The following PGAP2 variants were observed in gnomAD, a reference collection of about 807,000 sequenced individuals.
PGAP2 encodes the protein acyltransferase PGAP2.
Under a neutral mutation model 33.2 loss-of-function variants are expected in PGAP2, and 21 were observed. The ratio of observed to expected loss-of-function variants is 0.63; its 90% CI spans 0.45 to 0.91. The LOEUF is 0.91. Among genes scored for constraint, PGAP2 ranks in the 40% least tolerant of loss-of-function variants. The pLI, the probability that PGAP2 is intolerant of heterozygous loss-of-function variation, is 0.00. For missense variants in PGAP2, 345 were observed against 424.0 expected, an observed-to-expected ratio of 0.81 and a Z score of 1.64; for synonymous variants, 161 against 172.9, an observed-to-expected ratio of 0.93 and a Z score of 0.54.
intron 3 of PGAP2, among the ~76,000 whole-genome samples, chr11:3,818,643 G>A (rs995090812): frequency 1.3e-5 from 2 of 152,196 alleles, no homozygotes; most frequent in African/African-American, 4.8e-5. Flanking sequence ...CAGAAACCTG[G>A]ATGGACTTCT....
At chr11:3,806,440 C>T (rs187614360), upstream of PGAP2, among the ~76,000 whole-genome samples, 4,169 of 152,218 alleles carry the variant, frequency 0.027, 194 homozygotes, top group African/African-American at 0.094. Context: ...GAGTGCGCAC[C>T]TTCTCCAGAC....
chr11:3,817,693 G>A lies in PGAP2; in HGVS notation c.348+158G>A, dbSNP rs1222273833. ...AAGTCAGAGTCAGAGATAATTCATG[G>A]GGGGAGACTCAGAGAGAATAGAATC... On this transcript the variant is annotated intron_variant, in intron 3 of 6. Transcript: ENST00000278243. 4 of 710,102 alleles carry A rather than the reference G, an allele frequency of 5.6e-6. No individual in the cohort carries two copies. The Admixed American group carries it at 6.0e-5, about 11-fold the overall frequency. The allele number at this position is 710,102 out of a possible 1,614,324, so 44.0% of individuals were successfully genotyped here. A position where few individuals can be genotyped will look rare whatever the true frequency, so the allele number is the denominator to read the frequency against.
chr11:3,803,464 G>A (rs897997685), intron 1 of PGAP2, among the ~76,000 whole-genome samples: 1 of 151,346 alleles, frequency 6.6e-6, no homozygotes, highest in African/African-American at 2.4e-5. Flanking sequence ...GTCTCACTCT[G>A]TCACCCAGGC....
Position 3,825,735 on chromosome 11 carries a change from C to G in PGAP2, c.*277C>G, listed in dbSNP as rs545406627. 3.7e-5 allele frequency: 10 copies of G among 272,320 alleles called. No individual in the cohort carries two copies. Among genetic ancestry groups the G allele is most frequent in the Non-Finnish European group, 6.2e-5 (9 of 144,564 alleles). The allele number at this position is 272,320 out of a possible 1,614,324, so 16.9% of individuals were successfully genotyped here. A position where few individuals can be genotyped will look rare whatever the true frequency, so the allele number is the denominator to read the frequency against. On this transcript the variant is annotated 3_prime_UTR_variant, in exon 7 of 7. Transcript: ENST00000278243. ...CACCATTTGGTGCTAAAAAAAAAAACGTCCTGAGGTTCATGACCACCATCC... is the reference window on the plus strand; with the variant it reads ...CACCATTTGGTGCTAAAAAAAAAAAGGTCCTGAGGTTCATGACCACCATCC...
At chr11:3,803,932 A>G (rs2083901670), upstream of PGAP2, among the ~76,000 whole-genome samples, 1 of 151,928 alleles carries the variant, frequency 6.6e-6, no homozygotes, top group African/African-American at 2.4e-5. Flanking sequence ...CTGGGACTTC[A>G]GGCGCGTGCC....
Position 3,798,248 on chromosome 11 carries a change from G to A in PGAP2, c.139+266G>A, listed in dbSNP as rs1474476016. On this transcript the variant is annotated intron_variant, in intron 1 of 6. Coordinates refer to the PGAP2 transcript ENST00000300730. ...TAGGAGCATTAGAGATGCCCTAAGG[G>A]ACTGGCCCACCAAAGGGCCTGGTAC... The A allele has an allele frequency of 3.7e-6, 3 of 812,784 alleles. No homozygotes were observed. In the South Asian group the frequency reaches 7.5e-5, roughly 20 times the overall value. The allele number at this position is 812,784 out of a possible 1,614,324, so 50.3% of individuals were successfully genotyped here.
At chr11:3,823,153 A>G (rs1380429553) in intron 3 of PGAP2, among the ~76,000 whole-genome samples, 3 of 144,890 alleles carry the variant, frequency 2.1e-5, no homozygotes, top group Non-Finnish European at 4.5e-5. Flanking sequence ...TCTTCTGATC[A>G]GCCTCCTGAG....
rs771207485 is a variant in PGAP2 at position 3,811,409 on chromosome 11, G to A, written c.150G>A (p.Thr50=). 3 of 1,613,780 alleles carry A rather than the reference G, an allele frequency of 1.9e-6. No individual in the cohort carries two copies. Among genetic ancestry groups the A allele is most frequent in the Non-Finnish European group, 1.7e-6 (2 of 1,179,880 alleles). ...WSLLFHFKET[T]ATHCGATPCR... Reference sequence around the variant, plus strand: ...TGCTCTTCCACTTCAAGGAGACAACGGCCACACACTGTGGGGTAGGGCATG... The same window carrying A: ...TGCTCTTCCACTTCAAGGAGACAACAGCCACACACTGTGGGGTAGGGCATG... Residue 50 remains threonine, a synonymous_variant, in exon 2 of 7, where the codon ACG becomes ACA. Transcript: ENST00000278243. This position sits in a 1 kb window ranked among gnomAD's most constrained non-coding sequence, Gnocchi z 4.6.
In PGAP2 at chr11:3,814,331, A is replaced by G. The variant is rs374270381; in HGVS notation, c.165+2907A>G. 6.6e-5 allele frequency among the ~76,000 whole-genome samples: 10 copies of G among 152,246 alleles called. No homozygotes were observed. The East Asian group carries it at 1.9e-3, about 29-fold the overall frequency. On this transcript the variant is annotated intron_variant, in intron 2 of 6. Coordinates refer to ENST00000278243, the MANE Select transcript of PGAP2 (RefSeq NM_014489.4). Reference sequence around the variant, plus strand: ...GAGTGCAGTGTTGTGATCTCAGCTCACTGCAACCTCCGCCTCTTGGGTTCA... The same window carrying G: ...GAGTGCAGTGTTGTGATCTCAGCTCGCTGCAACCTCCGCCTCTTGGGTTCA...
chr11:3,821,577 G>C lies in PGAP2; in HGVS notation c.349-2306G>C, dbSNP rs543504547. 2.6e-5 allele frequency among the ~76,000 whole-genome samples: 4 copies of C among 152,218 alleles called. No individual in the cohort carries two copies. The East Asian group carries it at 7.7e-4, about 29-fold the overall frequency. On this transcript the variant is annotated intron_variant, in intron 3 of 6. Transcript: ENST00000278243. The stretch of plus-strand genomic sequence containing the variant: ...GTTCTGAGACGAGCCTGCCCAACAT[G>C]GTGAAACCCCATCTCTACTAAAAAT...
intron 5 of PGAP2, 146 bp downstream of exon 5, chr11:3,824,522 G>C (rs1376755990): frequency 8.1e-7 from 1 of 1,232,722 alleles, no homozygotes; most frequent in East Asian, 2.5e-5. Context: ...GCTGGGGCTT[G>C]GGAACAAACT....
intron 1 of PGAP2, among the ~76,000 whole-genome samples, chr11:3,802,466 C>A (rs994123223): frequency 3.9e-5 from 6 of 152,176 alleles, no homozygotes; most frequent in Admixed American, 2.0e-4. Context: ...TGCTTACAAA[C>A]CCTTTTGGAG....
intron 1 of PGAP2, among the ~76,000 whole-genome samples, chr11:3,809,841 G>A (rs2134310361): frequency 6.6e-6 from 1 of 152,360 alleles, no homozygotes; most frequent in East Asian, 1.9e-4. Context: ...TGGCAGCTGG[G>A]GGAAAATGGG....
In PGAP2 at chr11:3,811,174, A is replaced by G; in HGVS notation, c.-10-76A>G. 1 of 1,402,436 alleles carries G rather than the reference A, an allele frequency of 7.1e-7. No individual in the cohort carries two copies. The allele number at this position is 1,402,436 out of a possible 1,614,324, so 86.9% of individuals were successfully genotyped here. A position where few individuals can be genotyped will look rare whatever the true frequency, so the allele number is the denominator to read the frequency against. On this transcript the variant is annotated intron_variant, in intron 1 of 6. Transcript: ENST00000278243. The surrounding 1 kb of genome is among the most constrained non-coding windows in gnomAD (Gnocchi z 4.6). ...CAGCACACAGCTAATTTTAGGACTGAGCACAAGGGCTGACTTTATCACTGA... is the reference window on the plus strand; with the variant it reads ...CAGCACACAGCTAATTTTAGGACTGGGCACAAGGGCTGACTTTATCACTGA...
At chr11:3,807,937 C>A, upstream of PGAP2, 2 of 641,404 alleles carry the variant, frequency 3.1e-6, no homozygotes, top group South Asian at 3.7e-5. Context: ...TTTGGGGGAT[C>A]AATCCTCTCA....
upstream of PGAP2, among the ~76,000 whole-genome samples, chr11:3,804,028 C>T (rs903304554): frequency 1.3e-4 from 19 of 149,160 alleles, no homozygotes; most frequent in African/African-American, 4.7e-4. Flanking sequence ...AGACCTCAGG[C>T]GATCCGCCTG....
chr11:3,803,793 A>AT (rs1436051055), upstream of PGAP2, among the ~76,000 whole-genome samples: 136 of 72,384 alleles, frequency 1.9e-3, no homozygotes, highest in East Asian at 0.052. Flanking sequence ...CTATATATAT[A>AT]TATATTTTTT....
At chr11:3,808,443 A>G (rs1436673526), upstream of PGAP2, 3 of 1,516,248 alleles carry the variant, frequency 2.0e-6, no homozygotes, top group East Asian at 7.6e-5. Context: ...AGGACACGCC[A>G]GATTGAGGAG....
intron 1 of PGAP2, among the ~76,000 whole-genome samples, chr11:3,802,954 G>C (rs1156871881): frequency 2.7e-5 from 4 of 148,772 alleles, no homozygotes; most frequent in African/African-American, 9.9e-5. Flanking sequence ...AGCCTCCCGA[G>C]TAGCTGGGAC....
Sources: gnomAD v4.1 joint callset for allele counts (sites outside exome capture counted in the v4.1 genomes callset) on GRCh38, gnomAD v4.1.1 for gene constraint, Gnocchi (gnomAD v3.1) non-coding constraint, MANE v1.5 for transcripts, NCBI Gene and HGNC (gene_info 2026-07-23, HGNC 2026-07-21) for gene names.